The following NOL9 variants were observed in gnomAD, a reference collection of about 807,000 sequenced individuals.
NOL9 encodes polynucleotide 5'-hydroxyl-kinase NOL9.
In NOL9, 28 loss-of-function variants were observed where a neutral mutation model predicts 67.9. That is an observed-to-expected ratio of 0.41 (90% CI 0.31 to 0.57). NOL9 has a LOEUF of 0.57. Ranked by LOEUF, NOL9 falls within the 20% of genes least tolerant of loss-of-function variation. The probability of loss-of-function intolerance (pLI) is 0.25; values close to 1 mark genes in which losing one functional copy is unlikely to be tolerated. For synonymous variants in NOL9, 356 were observed against 352.2 expected, an observed-to-expected ratio of 1.01 and a Z score of -0.12; for missense variants, 777 against 897.0, an observed-to-expected ratio of 0.87 and a Z score of 1.71.
At chr1:6,549,237 A>T (rs1290262410) in intron 3 of NOL9, 1 of 211,174 alleles carries the variant, frequency 4.7e-6, no homozygotes, top group Admixed American at 5.4e-5. Context: ...AGCCTGAGTG[A>T]CAGAGTGAGA....
intron 5 of NOL9, among the ~76,000 whole-genome samples, chr1:6,544,555 C>T (rs1344381321): frequency 1.4e-4 from 1 of 6,920 alleles, no homozygotes; most frequent in African/African-American, 2.2e-4. Context: ...CCCCCCCCCG[C>T]CCCCCACCCC....
At chr1:6,537,003 A>G (rs1227125280) in intron 6 of NOL9, among the ~76,000 whole-genome samples, 2 of 151,926 alleles carry the variant, frequency 1.3e-5, no homozygotes, top group Non-Finnish European at 1.5e-5. Flanking sequence ...AGAGTGAGAC[A>G]CTGTCTCTCT....
chr1:6,544,156 T>G lies in NOL9; in HGVS notation c.977+670A>C, dbSNP rs191408072. On this transcript the variant is annotated intron_variant, in intron 5 of 11. Transcript: ENST00000377705. The stretch of plus-strand genomic sequence containing the variant: ...CAACTAGCCAGGTGTGGTGGTGCGC[T>G]AGTGTGGTCCCTGCTACGTGGGAGG... 3.0e-4 allele frequency among the ~76,000 whole-genome samples: 46 copies of G among 151,610 alleles called. No individual in the cohort carries two copies. The East Asian group carries it at 5.5e-3, about 18-fold the overall frequency.
chr1:6,542,039 A>C, intron 5 of NOL9, 112 bp from the exon 6 acceptor site: 1 of 566,888 alleles, frequency 1.8e-6, no homozygotes. Flanking sequence ...AATCCACCAC[A>C]CACAGCACTT....
intron 10 of NOL9, among the ~76,000 whole-genome samples, chr1:6,527,569 C>T (rs1239382721): frequency 1.3e-5 from 2 of 151,242 alleles, no homozygotes; most frequent in African/African-American, 4.9e-5. Flanking sequence ...ATCACTTGAA[C>T]TCGGGAGGCA....
chr1:6,532,517 T>G lies in NOL9; in HGVS notation c.1481A>C (p.His494Pro), dbSNP rs373916884. The change falls in exon 8 of 12, where the codon CAT becomes CCT. Residue 494 changes from histidine to proline, a missense_variant. His to Pro is a moderately conservative substitution (Grantham distance 77). This residue lies in a region of NOL9 where 413 missense variants were observed against 552.6 expected (regional missense o/e 0.75). Coordinates refer to ENST00000377705, the MANE Select transcript of NOL9 (RefSeq NM_024654.5). ...EKESPVEFTGHKLIGVYTDFA... is the reference protein window; with the variant it reads ...EKESPVEFTGPKLIGVYTDFA... ...GTCTGTATAAACACCTATCAGTTTA[T>G]GTCCAGTGAACTCAACTGGACTCTC... is the stretch of plus-strand genomic sequence containing the variant. 21 of 1,614,222 alleles carry G rather than the reference T, an allele frequency of 1.3e-5. No individual in the cohort carries two copies. Among genetic ancestry groups the G allele is most frequent in the Non-Finnish European group, 1.8e-5 (21 of 1,180,008 alleles).
chr1:6,532,508 A>G lies in NOL9; in HGVS notation c.1490T>C (p.Ile497Thr), dbSNP rs549661723. The G allele has an allele frequency of 1.9e-6, 3 of 1,614,094 alleles. No homozygotes were observed. The highest frequency in any genetic ancestry group is 2.5e-6 in the Non-Finnish European group (3 of 1,180,032). The change falls in exon 8 of 12, where the codon ATA becomes ACA. Residue 497 changes from isoleucine to threonine, a missense_variant. Physicochemically the swap from Ile to Thr is moderately conservative, Grantham distance 89. Around this residue, in one of 2 missense-constraint regions of NOL9, gnomAD observed 413 missense variants for 552.6 expected, o/e 0.75. Coordinates refer to ENST00000377705, the MANE Select transcript of NOL9 (RefSeq NM_024654.5). ...GAATGCAAAGTCTGTATAAACACCT[A>G]TCAGTTTATGTCCAGTGAACTCAAC... ...SPVEFTGHKL[I>T]GVYTDFAFRI...
At chr1:6,529,986 G>T (rs1238274316) in intron 9 of NOL9, among the ~76,000 whole-genome samples, 1 of 152,152 alleles carries the variant, frequency 6.6e-6, no homozygotes, top group Non-Finnish European at 1.5e-5. Flanking sequence ...AAGTGTGGTG[G>T]CGCATGCCTT....
intron 6 of NOL9, 119 bp from the exon 7 acceptor site, chr1:6,533,560 G>T: frequency 1.5e-6 from 1 of 684,400 alleles, no homozygotes; most frequent in East Asian, 3.0e-5. Flanking sequence ...TAGGAAATCT[G>T]AGACCATCCT....
At position 6,523,983 on chromosome 1, in the gene NOL9, T is replaced by C. The variant is rs951672061; in HGVS notation, c.*1871A>G. The C allele has an allele frequency of 5.3e-5, 8 of 152,196 alleles. No individual in the cohort carries two copies. The highest frequency in any genetic ancestry group is 1.9e-4 in the East Asian group (1 of 5,198). 9.4% of individuals were successfully genotyped at this position (152,196 alleles called of 1,614,324 possible). On this transcript the variant is annotated 3_prime_UTR_variant, in exon 12 of 12. Transcript: ENST00000377705. The stretch of plus-strand genomic sequence containing the variant: ...ACCTCCAGTGAGTATAACTGTAAGA[T>C]ACACGAAAGTGGAGAAAGGCAAAAC...
In NOL9 at chr1:6,531,832, C is replaced by T. The variant is rs1570045091; in HGVS notation, c.1647+136G>A. The T allele has an allele frequency of 5.6e-6, 4 of 709,414 alleles. No homozygotes were observed. In the East Asian group the frequency reaches 1.0e-4, roughly 18 times the overall value. The allele number at this position is 709,414 out of a possible 1,614,324, so 43.9% of individuals were successfully genotyped here. A position where few individuals can be genotyped will look rare whatever the true frequency, so the allele number is the denominator to read the frequency against. On this transcript the variant is annotated intron_variant, in intron 9 of 11. Transcript: ENST00000377705. ...CATCTGTAAAGTGGGAATAACGACA[C>T]AAGCTGTGTCACTGGGATGTTCTGA...
chr1:6,547,134 C>T (rs1639436652), intron 3 of NOL9, among the ~76,000 whole-genome samples: 1 of 152,240 alleles, frequency 6.6e-6, no homozygotes, highest in South Asian at 2.1e-4. Flanking sequence ...AGAGCTGGAA[C>T]CATCTTGTTT....
intron 1 of NOL9, among the ~76,000 whole-genome samples, chr1:6,552,551 T>C (rs530829697): frequency 1.4e-3 from 205 of 151,598 alleles, no homozygotes; most frequent in African/African-American, 4.7e-3. Flanking sequence ...GCCTCCAGAG[T>C]AGCTGGGATT....
intron 9 of NOL9, 64 bp from the exon 10 acceptor site, chr1:6,529,235 A>G: frequency 7.1e-7 from 1 of 1,416,122 alleles, no homozygotes; most frequent in Non-Finnish European, 9.9e-7. Context: ...TAATTTCTAC[A>G]ACTAGATTAA....
At chr1:6,526,522 C>T (rs1012308129) in intron 11 of NOL9, among the ~76,000 whole-genome samples, 174 bp downstream of exon 11, 5 of 152,188 alleles carry the variant, frequency 3.3e-5, no homozygotes, top group Non-Finnish European at 5.9e-5. Flanking sequence ...GACAGTGATT[C>T]ATAGTCTCAG....
At position 6,549,638 on chromosome 1, in the gene NOL9, T is replaced by C. The variant is rs1254866277; in HGVS notation, c.677A>G (p.His226Arg). ...GAAGTTTACAGTGGCAGTTTTCAGA[T>C]GTTCTAGCAACACAATGGAACACTG... ...SPQCSIVLLE[H>R]LKTATVNFIT... is the part of the protein sequence containing the mutation. The change falls in exon 3 of 12, where the codon CAT becomes CGT. Residue 226 changes from histidine to arginine, a missense_variant. By Grantham distance (29) the His-to-Arg change is conservative. Around this residue, in one of 2 missense-constraint regions of NOL9, gnomAD observed 364 missense variants for 344.4 expected, o/e 1.06. Coordinates refer to ENST00000377705, the MANE Select transcript of NOL9 (RefSeq NM_024654.5). The C allele has an allele frequency of 1.2e-6, 2 of 1,614,110 alleles. No homozygotes were observed. The highest frequency in any genetic ancestry group is 1.7e-5 in the Admixed American group (1 of 60,002).
chr1:6,553,264 T>C (rs1639582107), intron 1 of NOL9, among the ~76,000 whole-genome samples: 1 of 152,164 alleles, frequency 6.6e-6, no homozygotes, highest in Admixed American at 6.6e-5. Flanking sequence ...TTCCAGAACT[T>C]CCTGGGTTTT....
intron 6 of NOL9, among the ~76,000 whole-genome samples, chr1:6,534,560 TG>T (rs1382924024): frequency 5.3e-5 from 8 of 152,264 alleles, no homozygotes; most frequent in Non-Finnish European, 2.9e-5. Flanking sequence ...CTTTCAAGGT[TG>T]GGGCCAGTAA....
chr1:6,551,731 G>A (rs1012214446), intron 1 of NOL9, among the ~76,000 whole-genome samples: 11 of 152,082 alleles, frequency 7.2e-5, no homozygotes, highest in Non-Finnish European at 4.4e-5. Flanking sequence ...ACTAATTCAG[G>A]TACAGAAAAT....
Sources: gnomAD v4.1 joint callset for allele counts (sites outside exome capture counted in the v4.1 genomes callset) on GRCh38, gnomAD v4.1.1 for gene constraint, gnomAD v4.1.1 regional missense constraint, MANE v1.5 for transcripts, NCBI Gene and HGNC (gene_info 2026-07-23, HGNC 2026-07-21) for gene names.